RIC3: variants seen among roughly 807,000 people sequenced by gnomAD.
The protein encoded by RIC3 is protein RIC-3.
In RIC3, 28 loss-of-function variants were observed where a neutral mutation model predicts 27.3. The ratio of observed to expected loss-of-function variants is 1.02; its 90% CI spans 0.76 to 1.41. The LOEUF (loss-of-function observed/expected upper bound fraction) is 1.41. Among genes scored for constraint, RIC3 ranks in the 40% most tolerant of loss-of-function variants. The pLI, the probability that RIC3 is intolerant of heterozygous loss-of-function variation, is 0.00. For synonymous variants in RIC3, 184 were observed against 160.4 expected (o/e 1.15, Z -1.11); for missense variants, 501 against 444.7 (o/e 1.13, Z -1.14).
chr11:8,155,306 T>C (rs1307013216), intron 1 of RIC3, among the ~76,000 whole-genome samples: 1 of 151,098 alleles, frequency 6.6e-6, no homozygotes, highest in Non-Finnish European at 1.5e-5. Context: ...CCAGGTGAGG[T>C]GGCTCACGTC....
chr11:8,126,600 T>A, intron 5 of RIC3, 59 bp downstream of exon 5: 2 of 1,590,386 alleles, frequency 1.3e-6, no homozygotes, highest in Non-Finnish European at 1.7e-6. Flanking sequence ...TTTTTAAAAA[T>A]CTGTAACATC....
chr11:8,113,608 G>C (rs1945507849), intron 5 of RIC3, among the ~76,000 whole-genome samples: 1 of 152,146 alleles, frequency 6.6e-6, no homozygotes, highest in Non-Finnish European at 1.5e-5. Context: ...TGCCAGGCTA[G>C]TCTCTATGAC....
chr11:8,164,028 T>C (rs943816230), intron 1 of RIC3, among the ~76,000 whole-genome samples: 2 of 151,940 alleles, frequency 1.3e-5, no homozygotes, highest in South Asian at 4.2e-4. Flanking sequence ...TAATTGAGAG[T>C]CCAGAAACAA....
chr11:8,135,166 G>A (rs1948240055), intron 4 of RIC3, among the ~76,000 whole-genome samples: 2 of 152,184 alleles, frequency 1.3e-5, no homozygotes, highest in Non-Finnish European at 2.9e-5. Context: ...TGTATAAGGT[G>A]TAAGGAAGGG....
the RIC3 span, chr11:8,096,711 G>C: frequency 6.2e-7 from 1 of 1,612,816 alleles, no homozygotes; most frequent in Non-Finnish European, 8.5e-7. Context: ...GAGCTTTGAC[G>C]AGGATGAGGA....
chr11:8,154,394 G>A (rs1950490718), intron 1 of RIC3, among the ~76,000 whole-genome samples: 1 of 152,174 alleles, frequency 6.6e-6, no homozygotes, highest in Non-Finnish European at 1.5e-5. Context: ...TATAGGCAGT[G>A]GTGACGGTTG....
intron 1 of RIC3, among the ~76,000 whole-genome samples, chr11:8,142,977 A>G (rs1949239657): frequency 1.0e-5 from 1 of 97,754 alleles, no homozygotes; most frequent in Admixed American, 1.0e-4. Flanking sequence ...AAATTCAACA[A>G]CCCTTCATGC....
chr11:8,144,296 TA>T (rs1443932453), intron 1 of RIC3, among the ~76,000 whole-genome samples: 1 of 150,608 alleles, frequency 6.6e-6, no homozygotes, highest in Non-Finnish European at 1.5e-5. Flanking sequence ...AAAGGGCTAA[TA>T]TCCAGAATCT....
At chr11:8,102,647 G>C (rs938288310), downstream of RIC3, 2 of 152,224 alleles carry the variant, frequency 1.3e-5, no homozygotes, top group African/African-American at 2.4e-5. Context: ...ACTGCTGTCA[G>C]CCAAGTCATG....
At chr11:8,095,652 G>A in the RIC3 span, 24 of 1,601,552 alleles carry the variant, frequency 1.5e-5, no homozygotes, top group African/African-American at 2.7e-5. Flanking sequence ...TCCGTGCCAC[G>A]ATGCAGAGGA....
chr11:8,111,944 G>A (rs778725799), intron 5 of RIC3, among the ~76,000 whole-genome samples: 6 of 152,232 alleles, frequency 3.9e-5, no homozygotes, highest in Non-Finnish European at 5.9e-5. Context: ...TGGCACCAGC[G>A]GCCGTAATCA....
chr11:8,119,562 T>G (rs1946228173), intron 5 of RIC3, among the ~76,000 whole-genome samples: 1 of 152,222 alleles, frequency 6.6e-6, no homozygotes, highest in Admixed American at 6.5e-5. Context: ...GATTAAAGAC[T>G]TAAATGTTAG....
intron 4 of RIC3, among the ~76,000 whole-genome samples, chr11:8,130,158 G>A (rs376403430): frequency 2.6e-5 from 4 of 152,032 alleles, no homozygotes; most frequent in African/African-American, 7.3e-5. Flanking sequence ...AAAGATTAAC[G>A]TGAGCCATCC....
chr11:8,145,202 TA>T (rs36008792), intron 1 of RIC3, among the ~76,000 whole-genome samples: 87 of 140,228 alleles, frequency 6.2e-4, no homozygotes, highest in Admixed American at 1.0e-3. Flanking sequence ...AAAAAAAAAT[TA>T]AAAAAAAAAA....
chr11:8,145,415 G>A (rs148205429), intron 1 of RIC3, among the ~76,000 whole-genome samples: 1 of 152,066 alleles, frequency 6.6e-6, no homozygotes, highest in South Asian at 2.1e-4. Context: ...GTGCACACAG[G>A]GGAAGATGGT....
At chr11:8,121,155 A>G (rs1946403378) in intron 5 of RIC3, among the ~76,000 whole-genome samples, 1 of 152,122 alleles carries the variant, frequency 6.6e-6, no homozygotes, top group Non-Finnish European at 1.5e-5. Flanking sequence ...AATGACACTT[A>G]AAACAGAAAA....
intron 4 of RIC3, among the ~76,000 whole-genome samples, chr11:8,135,123 A>G (rs569888724): frequency 2.0e-5 from 3 of 152,298 alleles, no homozygotes; most frequent in South Asian, 4.1e-4. Flanking sequence ...TAGGTCTAAC[A>G]TTTAAGTCTT....
intron 3 of RIC3, 136 bp downstream of exon 3, chr11:8,138,136 A>G: frequency 1.7e-6 from 1 of 593,318 alleles, no homozygotes. Flanking sequence ...TCCCAGAACT[A>G]AGGCAAAAAT....
rs187534971 is a variant in RIC3 at position 8,124,046 on chromosome 11, G to C, written c.670+2613C>G. Among the ~76,000 whole-genome samples, 680 of 148,522 alleles carry C rather than the reference G, an allele frequency of 4.6e-3. 6 individuals carry two copies. Among genetic ancestry groups the C allele is most frequent in the African/African-American group, 0.015 (625 of 40,696 alleles). Reference sequence around the variant, plus strand: ...CACGTGCCACTGTACTCCAGCCTGGGCAACAGGGCAAGACCCTGAAAAAAA... The same window carrying C: ...CACGTGCCACTGTACTCCAGCCTGGCCAACAGGGCAAGACCCTGAAAAAAA... On this transcript the variant is annotated intron_variant, in intron 5 of 5. Coordinates refer to ENST00000309737, the MANE Select transcript of RIC3 (RefSeq NM_001206671.4).
Sources: allele counts gnomAD v4.1 joint callset (sites outside exome capture counted in the v4.1 genomes callset), GRCh38; gene constraint gnomAD v4.1.1; transcripts MANE v1.5; gene names NCBI Gene and HGNC (gene_info 2026-07-23, HGNC 2026-07-21).